The following DNAH6 variants were observed in gnomAD, a reference collection of about 807,000 sequenced individuals.
DNAH6 encodes dynein axonemal heavy chain 6.
A neutral mutation model predicts 491.4 loss-of-function variants in DNAH6; 340 were observed. The ratio of observed to expected loss-of-function variants is 0.69; its 90% CI spans 0.63 to 0.76. The LOEUF is 0.76. DNAH6 is among the 30% of genes least tolerant of loss of function. DNAH6 has a pLI of 0.00. For synonymous variants in DNAH6, 1,603 were observed against 1,686.1 expected (o/e 0.95, Z 1.21); for missense variants, 4,443 against 4,972.2 (o/e 0.89, Z 3.20).
chr2:84,763,891 G>A (rs1674830695), intron 64 of DNAH6, among the ~76,000 whole-genome samples: 1 of 152,008 alleles, frequency 6.6e-6, no homozygotes, highest in South Asian at 2.1e-4. Context: ...CCAAAACTCA[G>A]CAGGCTTGAG....
At chr2:84,598,188 T>TCTCTTTCTTTTC (rs146585083) in intron 18 of DNAH6, among the ~76,000 whole-genome samples, 1 of 132,860 alleles carries the variant, frequency 7.5e-6, no homozygotes, top group Non-Finnish European at 1.6e-5. Flanking sequence ...TCTCTCTTTC[T>TCTCTTTCTTTTC]TTTCTTTCTT....
intron 11 of DNAH6, among the ~76,000 whole-genome samples, chr2:84,571,301 TG>T (rs1558733995): frequency 1.3e-5 from 2 of 152,108 alleles, no homozygotes; most frequent in African/African-American, 4.8e-5. Flanking sequence ...TAATAAGAAA[TG>T]GGTTATTTAC....
the DNAH6 span, among the ~76,000 whole-genome samples, chr2:84,488,397 A>T: frequency 6.6e-6 from 1 of 150,972 alleles, no homozygotes; most frequent in African/African-American, 2.4e-5. Flanking sequence ...AAAAAATAAA[A>T]AAATAAAAAA....
chr2:84,781,653 G>C lies in DNAH6; in HGVS notation c.10864G>C (p.Asp3622His), dbSNP rs1248580877. The change falls in exon 65 of 77, where the codon GAT (aspartate) becomes CAT (histidine). Residue 3622 changes from aspartate (D) to histidine (H), a missense_variant and splice_region_variant. Physicochemically the swap from Asp to His is moderately conservative, Grantham distance 81. Transcript: ENST00000389394. ...EELIKTFTDP[D>H]SAIKDTFRLF... is the part of the protein sequence containing the mutation. Reference sequence around the variant, plus strand: ...GCTCATTAAAACCTTCACAGATCCAGGTATGTTGAGCATATAGCCCTTGCA... The same window carrying C: ...GCTCATTAAAACCTTCACAGATCCACGTATGTTGAGCATATAGCCCTTGCA... The C allele has an allele frequency of 2.6e-6, 4 of 1,550,868 alleles. No homozygotes were observed. The highest frequency in any genetic ancestry group is 1.4e-5 in the African/African-American group (1 of 73,006).
intron 37 of DNAH6, among the ~76,000 whole-genome samples, chr2:84,665,658 T>A (rs191134975): frequency 6.6e-6 from 1 of 152,298 alleles, no homozygotes; most frequent in East Asian, 1.9e-4. Context: ...CACAGCTGAA[T>A]TCTACCAGAG....
intron 63 of DNAH6, among the ~76,000 whole-genome samples, chr2:84,754,208 T>G (rs1046359907): frequency 2.2e-4 from 33 of 151,674 alleles, no homozygotes; most frequent in African/African-American, 7.0e-4. Flanking sequence ...TGACGGAGTT[T>G]TGCCCTTGTC....
intron 38 of DNAH6, among the ~76,000 whole-genome samples, chr2:84,670,000 G>A (rs141113646): frequency 1.8e-3 from 269 of 152,310 alleles, no homozygotes; most frequent in African/African-American, 6.1e-3. Context: ...CACGTAAACA[G>A]GACTTCACCG....
intron 33 of DNAH6, among the ~76,000 whole-genome samples, chr2:84,650,159 A>G (rs907343563): frequency 6.6e-6 from 1 of 152,100 alleles, no homozygotes; most frequent in Non-Finnish European, 1.5e-5. Flanking sequence ...GATTTGATCA[A>G]CTTCTTAAAT....
the DNAH6 span, among the ~76,000 whole-genome samples, chr2:84,478,269 G>A: frequency 3.5e-4 from 53 of 152,346 alleles, no homozygotes; most frequent in Non-Finnish European, 6.9e-4. Context: ...CTCCAAGAGA[G>A]ACAGAATCAC....
At chr2:84,764,789 A>G (rs777798311) in intron 64 of DNAH6, among the ~76,000 whole-genome samples, 7 of 152,244 alleles carry the variant, frequency 4.6e-5, no homozygotes, top group Non-Finnish European at 8.8e-5. Flanking sequence ...ATAGCATTCC[A>G]TGGTGTATAT....
rs1455086817 is a variant in DNAH6 at position 84,577,166 on chromosome 2, T to A, written c.1925-91T>A. The A allele has an allele frequency of 7.9e-6, 6 of 757,388 alleles. No homozygotes were observed. The African/African-American group carries it at 1.1e-4, about 14-fold the overall frequency. 46.9% of individuals were successfully genotyped at this position (757,388 alleles called of 1,614,324 possible). A position where few individuals can be genotyped will look rare whatever the true frequency, so the allele number is the denominator to read the frequency against. On this transcript the variant is annotated intron_variant, in intron 12 of 76. Transcript: ENST00000389394. ...AACATTATACATATATGTGTAAATT[T>A]ATCAATGCAATGATTTTTAATATAT...
intron 63 of DNAH6, among the ~76,000 whole-genome samples, chr2:84,756,781 A>G (rs1017693649): frequency 2.6e-5 from 4 of 152,228 alleles, no homozygotes; most frequent in African/African-American, 7.2e-5. Context: ...TGAAGCCAGG[A>G]ATTGCCTTTG....
intron 64 of DNAH6, among the ~76,000 whole-genome samples, chr2:84,766,126 T>TTC (rs1446056850): frequency 6.6e-6 from 1 of 152,018 alleles, no homozygotes; most frequent in Non-Finnish European, 1.5e-5. Context: ...ATATGGAAAA[T>TTC]TTTAACACAT....
chr2:84,489,372 T>C, the DNAH6 span, among the ~76,000 whole-genome samples: 2 of 152,210 alleles, frequency 1.3e-5, no homozygotes, highest in East Asian at 3.9e-4. Flanking sequence ...TTATATATGA[T>C]ATACTTTTGA....
intron 48 of DNAH6, 114 bp downstream of exon 48, chr2:84,699,848 A>G (rs1695724845): frequency 9.9e-7 from 1 of 1,010,108 alleles, no homozygotes; most frequent in African/African-American, 1.6e-5. Flanking sequence ...AAAGCCTACT[A>G]GGAATTTATT....
intron 37 of DNAH6, among the ~76,000 whole-genome samples, chr2:84,668,551 T>C (rs552960236): frequency 6.6e-6 from 1 of 152,292 alleles, no homozygotes; most frequent in South Asian, 2.1e-4. Context: ...TCCATCTGTA[T>C]TTCCAGCCTC....
In DNAH6 at chr2:84,728,005, T is replaced by G. The variant is rs75124059; in HGVS notation, c.10206+103T>G. ...ACCATAATTCCCATGTGCTGTAGGA[T>G]GGACCTGGTGGGAGATTACTGAATC... On this transcript the variant is annotated intron_variant, in intron 61 of 76. Coordinates refer to ENST00000389394, the MANE Select transcript of DNAH6 (RefSeq NM_001370.2). 0.13 allele frequency: 91,880 copies of G among 733,932 alleles called. 6,363 individuals carry two copies. The highest frequency in any genetic ancestry group is 0.23 in the African/African-American group (12,868 of 57,018). The allele number at this position is 733,932 out of a possible 1,614,324, so 45.5% of individuals were successfully genotyped here. A position where few individuals can be genotyped will look rare whatever the true frequency, so the allele number is the denominator to read the frequency against.
At chr2:84,700,968 G>A in intron 48 of DNAH6, 129 bp from the exon 49 acceptor site, 1 of 1,060,618 alleles carries the variant, frequency 9.4e-7, no homozygotes, top group African/African-American at 1.6e-5. Flanking sequence ...ATAGACATGA[G>A]TAGGAGTTAA....
chr2:84,475,466 T>A, the DNAH6 span, among the ~76,000 whole-genome samples: 1 of 152,232 alleles, frequency 6.6e-6, no homozygotes, highest in Admixed American at 6.5e-5. Context: ...TTCTGTTGAT[T>A]GATGGTAGCT....
Sources: gnomAD v4.1 joint callset for allele counts (sites outside exome capture counted in the v4.1 genomes callset) on GRCh38, gnomAD v4.1.1 for gene constraint, MANE v1.5 for transcripts, NCBI Gene and HGNC (gene_info 2026-07-23, HGNC 2026-07-21) for gene names.